UST: variants seen among roughly 807,000 people sequenced by gnomAD.
UST encodes the protein chondroitin sulfate 2-O-sulfotransferase.
Under a neutral mutation model 45.6 loss-of-function variants are expected in UST, and 21 were observed. The ratio of observed to expected loss-of-function variants is 0.46; its 90% CI spans 0.33 to 0.66. The LOEUF (loss-of-function observed/expected upper bound fraction) is 0.66, where lower values mean the gene tolerates loss of function less well. Among genes scored for constraint, UST ranks in the 30% least tolerant of loss-of-function variants. The pLI is 0.02. For missense variants in UST, 463 were observed against 512.4 expected (o/e 0.90, Z 0.93); for synonymous variants, 215 against 200.6 (o/e 1.07, Z -0.61).
chr6:148,906,333 G>T (rs1286109236), intron 2 of UST, among the ~76,000 whole-genome samples: 1 of 152,196 alleles, frequency 6.6e-6, no homozygotes, highest in Non-Finnish European at 1.5e-5. Flanking sequence ...GAAGTGTGCA[G>T]ACTGTAGTTT....
intron 3 of UST, among the ~76,000 whole-genome samples, chr6:148,942,775 C>A (rs941284701): frequency 6.6e-6 from 1 of 152,126 alleles, no homozygotes; most frequent in Non-Finnish European, 1.5e-5. Context: ...TGTTCTAAAG[C>A]CACTATGTTT....
At chr6:149,025,291 T>C (rs913343133) in intron 7 of UST, among the ~76,000 whole-genome samples, 1 of 152,234 alleles carries the variant, frequency 6.6e-6, no homozygotes, top group Non-Finnish European at 1.5e-5. Context: ...ACCAAAAATA[T>C]TGGAGAAACT....
intron 2 of UST, among the ~76,000 whole-genome samples, chr6:148,929,049 T>C (rs188541757): frequency 6.6e-6 from 1 of 152,330 alleles, no homozygotes; most frequent in Admixed American, 6.5e-5. Flanking sequence ...ATGTCCTTGG[T>C]GTTTGCTGCT....
chr6:148,792,921 G>T (rs922898), intron 1 of UST, among the ~76,000 whole-genome samples: 14,015 of 152,132 alleles, frequency 0.092, 714 homozygotes, highest in East Asian at 0.25. Flanking sequence ...CATAGATGTG[G>T]TTAAATATCT....
intron 5 of UST, among the ~76,000 whole-genome samples, chr6:148,978,920 C>T (rs959555230): frequency 1.3e-5 from 2 of 152,130 alleles, no homozygotes; most frequent in African/African-American, 4.8e-5. Flanking sequence ...AAATTTCGCT[C>T]ATTTCTACTT....
intron 5 of UST, among the ~76,000 whole-genome samples, chr6:148,998,532 T>C (rs1344677585): frequency 6.6e-6 from 1 of 152,216 alleles, no homozygotes; most frequent in African/African-American, 2.4e-5. Context: ...TATTTTAAGC[T>C]TGAGAATAGC....
At chr6:148,920,835 T>G (rs1268321883) in intron 2 of UST, among the ~76,000 whole-genome samples, 1 of 152,262 alleles carries the variant, frequency 6.6e-6, no homozygotes, top group Non-Finnish European at 1.5e-5. Flanking sequence ...TTGCCTGCTC[T>G]TTTAAAAGCA....
intron 5 of UST, among the ~76,000 whole-genome samples, chr6:148,989,888 CT>C (rs770607985): frequency 5.9e-5 from 9 of 152,128 alleles, no homozygotes; most frequent in Non-Finnish European, 1.2e-4. Context: ...ATGAGTTTTC[CT>C]TTGTTCATTC....
chr6:148,913,368 A>C (rs1257999391), intron 2 of UST, among the ~76,000 whole-genome samples: 1 of 149,136 alleles, frequency 6.7e-6, no homozygotes. Flanking sequence ...ACTGTGTAAA[A>C]CATTGTATCT....
chr6:148,812,085 G>A (rs541229061), intron 1 of UST, among the ~76,000 whole-genome samples: 40 of 152,046 alleles, frequency 2.6e-4, no homozygotes, highest in African/African-American at 9.6e-4. Flanking sequence ...GTATAGTTCT[G>A]TATATTTAAA....
chr6:148,747,615 CCCT>C lies in UST; in HGVS notation c.190_192del (p.Leu64del), dbSNP rs754492576. 8.7e-6 allele frequency: 14 copies of C among 1,603,326 alleles called. No individual in the cohort carries two copies. Among genetic ancestry groups the C allele is most frequent in the Non-Finnish European group, 1.1e-5 (13 of 1,176,270 alleles). On this transcript the variant is annotated inframe_deletion, in exon 1 of 8. Transcript: ENST00000367463. ...ACCCTGCTGGTCTTCTGCCTGGGCT[CCCT>C]CCTCTATCAGCTCAGCGGGGGACCC... is the stretch of plus-strand genomic sequence containing the variant.
chr6:148,762,345 C>G (rs1339795581), intron 1 of UST, among the ~76,000 whole-genome samples: 1 of 152,094 alleles, frequency 6.6e-6, no homozygotes, highest in Non-Finnish European at 1.5e-5. Flanking sequence ...TTTCCTATTC[C>G]TTGTGGCTGA....
chr6:148,901,320 T>C (rs1562294399), intron 2 of UST, among the ~76,000 whole-genome samples: 4 of 152,186 alleles, frequency 2.6e-5, no homozygotes, highest in Admixed American at 2.0e-4. Context: ...CAAGATAGGT[T>C]AGGGTGATGC....
intron 4 of UST, among the ~76,000 whole-genome samples, chr6:148,962,951 C>G (rs1780695615): frequency 6.6e-6 from 1 of 152,240 alleles, no homozygotes; most frequent in Non-Finnish European, 1.5e-5. Context: ...AACTGAGAGG[C>G]ACACACTCAG....
At chr6:148,864,263 A>G (rs1261167217) in intron 1 of UST, among the ~76,000 whole-genome samples, 1 of 152,242 alleles carries the variant, frequency 6.6e-6, no homozygotes. Flanking sequence ...CTGCTGTGCT[A>G]GCAGCGAGTG....
At chr6:148,749,993 T>A (rs1260959392) in intron 1 of UST, among the ~76,000 whole-genome samples, 3 of 152,208 alleles carry the variant, frequency 2.0e-5, no homozygotes, top group East Asian at 3.8e-4. Context: ...TTTAATAATA[T>A]AAGGCCACTG....
chr6:148,982,056 A>G (rs1480463509), intron 5 of UST, among the ~76,000 whole-genome samples: 4 of 151,944 alleles, frequency 2.6e-5, no homozygotes, highest in Admixed American at 2.6e-4. Flanking sequence ...TTCACACTGA[A>G]AAAGGCAGAA....
intron 1 of UST, among the ~76,000 whole-genome samples, chr6:148,843,084 T>C (rs1777918964): frequency 6.6e-6 from 1 of 152,244 alleles, no homozygotes; most frequent in Non-Finnish European, 1.5e-5. Context: ...AAGCAACGTC[T>C]ATCAAGTGTC....
intron 5 of UST, among the ~76,000 whole-genome samples, chr6:149,001,825 T>TA (rs1193949312): frequency 1.3e-5 from 2 of 152,208 alleles, no homozygotes; most frequent in Admixed American, 6.5e-5. Context: ...GTTTGTATGT[T>TA]AAAAAAAGAT....
Sources: gnomAD v4.1 joint callset for allele counts (sites outside exome capture counted in the v4.1 genomes callset) on GRCh38, gnomAD v4.1.1 for gene constraint, MANE v1.5 for transcripts, NCBI Gene and HGNC (gene_info 2026-07-23, HGNC 2026-07-21) for gene names.